The following ARHGAP44 variants were observed in gnomAD, a reference collection of about 807,000 sequenced individuals.
ARHGAP44 encodes Rho GTPase activating protein 44.
Under a neutral mutation model 106.8 loss-of-function variants are expected in ARHGAP44, and 43 were observed. That is an observed-to-expected ratio of 0.40 (90% confidence interval 0.32 to 0.52). The LOEUF (loss-of-function observed/expected upper bound fraction) is 0.52, where lower values mean the gene tolerates loss of function less well. Ranked by LOEUF, ARHGAP44 falls within the 20% of genes least tolerant of loss-of-function variation. ARHGAP44 has a pLI of 0.48. For missense variants in ARHGAP44, 866 were observed against 1,050.5 expected (o/e 0.82, Z 2.43); for synonymous variants, 439 against 410.3 (o/e 1.07, Z -0.85).
intron 18 of ARHGAP44, among the ~76,000 whole-genome samples, chr17:12,976,937 G>T (rs1469566664): frequency 6.6e-6 from 1 of 152,156 alleles, no homozygotes; most frequent in Non-Finnish European, 1.5e-5. Context: ...ACACTCCTCA[G>T]CTTCATCCTA....
intron 8 of ARHGAP44, among the ~76,000 whole-genome samples, chr17:12,942,671 GA>G (rs2038741529): frequency 6.6e-6 from 1 of 152,046 alleles, no homozygotes; most frequent in South Asian, 2.1e-4. Flanking sequence ...TTTACTTAGG[GA>G]TATTAGTGTC....
chr17:12,881,875 A>G (rs1263940624), intron 1 of ARHGAP44, among the ~76,000 whole-genome samples: 1 of 151,838 alleles, frequency 6.6e-6, no homozygotes, highest in East Asian at 1.9e-4. Context: ...TCATTTTTGT[A>G]AGACAACGTC....
chr17:12,830,500 A>G (rs2035054139), intron 1 of ARHGAP44, among the ~76,000 whole-genome samples: 1 of 152,108 alleles, frequency 6.6e-6, no homozygotes, highest in Non-Finnish European at 1.5e-5. Flanking sequence ...ACTTCTTATC[A>G]TAGGAGATAT....
intron 6 of ARHGAP44, among the ~76,000 whole-genome samples, chr17:12,925,429 G>T (rs73978276): frequency 0.063 from 9,575 of 152,216 alleles, 348 homozygotes; most frequent in Middle Eastern, 0.18. Flanking sequence ...GCAGAGGAAG[G>T]GGCAAGACTA....
At chr17:12,818,544 C>T (rs1225609638) in intron 1 of ARHGAP44, among the ~76,000 whole-genome samples, 2 of 151,952 alleles carry the variant, frequency 1.3e-5, no homozygotes, top group Non-Finnish European at 2.9e-5. Flanking sequence ...AAAACTGCCA[C>T]TATTTGTAGA....
At chr17:12,875,614 AG>A (rs67190711) in intron 1 of ARHGAP44, among the ~76,000 whole-genome samples, 12,803 of 151,942 alleles carry the variant, frequency 0.084, 1,379 homozygotes, top group African/African-American at 0.25. Context: ...ATAAATAAAA[AG>A]GGGGGGTGCA....
At chr17:12,849,440 T>G (rs1183413548) in intron 1 of ARHGAP44, among the ~76,000 whole-genome samples, 1 of 152,142 alleles carries the variant, frequency 6.6e-6, no homozygotes, top group Non-Finnish European at 1.5e-5. Flanking sequence ...TTTGTAACCT[T>G]GTGGCTGGGC....
intron 16 of ARHGAP44, among the ~76,000 whole-genome samples, chr17:12,959,643 A>C (rs1389341579): frequency 6.6e-6 from 1 of 152,228 alleles, no homozygotes; most frequent in African/African-American, 2.4e-5. Flanking sequence ...GACGTGGACT[A>C]ATGAGCGTGT....
intron 1 of ARHGAP44, among the ~76,000 whole-genome samples, chr17:12,793,598 C>T (rs2033830610): frequency 6.6e-6 from 1 of 152,082 alleles, no homozygotes; most frequent in South Asian, 2.1e-4. Context: ...ATCCCAGCTA[C>T]TGGGGAGTCT....
Position 12,929,162 on chromosome 17 carries a change from A to G in ARHGAP44, c.582+116A>G, listed in dbSNP as rs553777063. 23 of 1,003,762 alleles carry G rather than the reference A, an allele frequency of 2.3e-5. No individual in the cohort carries two copies. In the South Asian group the frequency reaches 2.9e-4, roughly 13 times the overall value. 62.2% of individuals were successfully genotyped at this position (1,003,762 alleles called of 1,614,324 possible). A position where few individuals can be genotyped will look rare whatever the true frequency, so the allele number is the denominator to read the frequency against. On this transcript the variant is annotated intron_variant, in intron 7 of 20. Coordinates refer to ENST00000379672, the MANE Select transcript of ARHGAP44 (RefSeq NM_014859.6). ...GTCAGTGAGGCTCTAGTTGAACTGA[A>G]TGTCCCCAAGCCCGCCGGCTAGCAT...
intron 5 of ARHGAP44, among the ~76,000 whole-genome samples, chr17:12,916,920 A>T (rs2150951385): frequency 6.6e-6 from 1 of 152,318 alleles, no homozygotes; most frequent in East Asian, 1.9e-4. Flanking sequence ...AAACAATCCG[A>T]AATCTGAAAT....
intron 1 of ARHGAP44, among the ~76,000 whole-genome samples, chr17:12,829,444 CCTT>C (rs2035024273): frequency 1.3e-5 from 2 of 151,982 alleles, no homozygotes; most frequent in Non-Finnish European, 1.5e-5. Context: ...CTCTTTTGAC[CCTT>C]GGCATGAGCA....
intron 1 of ARHGAP44, among the ~76,000 whole-genome samples, chr17:12,839,256 T>G (rs1303299468): frequency 6.6e-6 from 1 of 152,188 alleles, no homozygotes; most frequent in African/African-American, 2.4e-5. Context: ...AATCTTCCTA[T>G]CTTAACATCA....
At chr17:12,804,178 G>A (rs3785734) in intron 1 of ARHGAP44, among the ~76,000 whole-genome samples, 25,848 of 152,044 alleles carry the variant, frequency 0.17, 3,545 homozygotes, top group African/African-American at 0.37. Context: ...TTGCCTCCAC[G>A]TTCACAAACC....
intron 1 of ARHGAP44, among the ~76,000 whole-genome samples, chr17:12,822,883 C>A (rs1217467414): frequency 6.6e-6 from 1 of 152,190 alleles, no homozygotes; most frequent in Non-Finnish European, 1.5e-5. Flanking sequence ...GCGTTCTGTT[C>A]AAGTATCCAG....
chr17:12,855,359 T>C (rs2035877231), intron 1 of ARHGAP44, among the ~76,000 whole-genome samples: 1 of 152,226 alleles, frequency 6.6e-6, no homozygotes, highest in Admixed American at 6.5e-5. Context: ...GTTTGTCATT[T>C]ATTATAATAC....
chr17:12,790,176 C>CCTGCCTTTCCCCGGGA (rs2033697160), intron 1 of ARHGAP44: 3 of 423,922 alleles, frequency 7.1e-6, no homozygotes, highest in African/African-American at 2.1e-5. Flanking sequence ...CTTCGTCCTC[C>CCTGCCTTTCCCCGGGA]CTGCCTTTCC....
intron 1 of ARHGAP44, among the ~76,000 whole-genome samples, chr17:12,856,435 G>A (rs12947452): frequency 0.57 from 86,387 of 152,008 alleles, 27,909 homozygotes; most frequent in Non-Finnish European, 0.71. Context: ...TAGGCTTAGA[G>A]CAATAATTTT....
chr17:12,918,011 C>T (rs918306396), intron 5 of ARHGAP44, among the ~76,000 whole-genome samples: 35 of 152,118 alleles, frequency 2.3e-4, no homozygotes, highest in Admixed American at 2.6e-4. Flanking sequence ...AGGAGAAAAT[C>T]GTGGATGAAG....
Sources: allele counts gnomAD v4.1 joint callset (sites outside exome capture counted in the v4.1 genomes callset), GRCh38; gene constraint gnomAD v4.1.1; transcripts MANE v1.5; gene names NCBI Gene and HGNC (gene_info 2026-07-23, HGNC 2026-07-21).